GPC3: variants seen among roughly 807,000 people sequenced by gnomAD.
GPC3 encodes the protein glypican 3, also known as glypican-3.
In GPC3, 3 loss-of-function variants were observed where a neutral mutation model predicts 34.4. That is an observed-to-expected ratio of 0.09 (90% CI 0.04 to 0.23). GPC3 has a LOEUF of 0.23. Among genes scored for constraint, GPC3 ranks in the 10% least tolerant of loss-of-function variants. The pLI, the probability that GPC3 is intolerant of heterozygous loss-of-function variation, is 1.00. For synonymous variants in GPC3, 177 were observed against 174.0 expected, an observed-to-expected ratio of 1.02 and a Z score of -0.13; for missense variants, 351 against 445.6, an observed-to-expected ratio of 0.79 and a Z score of 1.91.
intron 2 of GPC3, among the ~76,000 whole-genome samples, chrX:133,889,831 C>CTTTTTTTTTTTTTTTT (rs781203121): frequency 4.0e-5 from 3 of 75,805 alleles, no homozygotes; most frequent in African/African-American, 1.4e-4. Context: ...TTCTAGCCTT[C>CTTTTTTTTTTTTTTTT]TTTTTTTTTT....
intron 5 of GPC3, among the ~76,000 whole-genome samples, chrX:133,668,104 CCT>C (rs951211571): frequency 2.8e-5 from 3 of 108,441 alleles, no homozygotes; most frequent in Admixed American, 2.0e-4. Context: ...GGGTTTTCAC[CCT>C]GTTAGCCAGA....
chrX:133,913,650 T>C (rs2124609093), intron 2 of GPC3, among the ~76,000 whole-genome samples: 1 of 111,936 alleles, frequency 8.9e-6, no homozygotes, highest in East Asian at 2.8e-4. Flanking sequence ...GAAAAACACA[T>C]TCCTCCTCAA....
intron 2 of GPC3, among the ~76,000 whole-genome samples, chrX:133,791,930 G>A (rs1430171137): frequency 1.0e-5 from 1 of 100,245 alleles, no homozygotes; most frequent in East Asian, 3.1e-4. Flanking sequence ...ACCTAGGCTG[G>A]AATGCAGTGG....
intron 6 of GPC3, among the ~76,000 whole-genome samples, chrX:133,635,805 G>C (rs189400539): frequency 9.6e-6 from 1 of 104,380 alleles, no homozygotes; most frequent in Non-Finnish European, 1.9e-5. Flanking sequence ...TATCTCACAT[G>C]GTTATGGGAA....
At position 133,754,173 on chromosome X, in the gene GPC3, G is replaced by C; in HGVS notation, c.341C>G (p.Ala114Gly). Residue 114 changes from alanine (A) to glycine (G), a missense_variant, in exon 3 of 8, where the codon GCC becomes GGC. By Grantham distance (60) the Ala-to-Gly change is moderately conservative (BLOSUM62 0). Coordinates refer to ENST00000370818, the MANE Select transcript of GPC3 (RefSeq NM_004484.4). The stretch of plus-strand genomic sequence containing the variant: ...GGCATGGCGAACAACAATTTCAAAG[G>C]CCTCTGTAAAAAAAAAAAAAAAAGA... ...IIQNAAVFQE[A>G]FEIVVRHAKN... 8.9e-7 allele frequency: 1 copy of C among 1,124,956 alleles called. No homozygotes were observed. Among genetic ancestry groups the C allele is most frequent in the Non-Finnish European group, 1.2e-6 (1 of 833,169 alleles). 92.7% of individuals were successfully genotyped at this position (1,124,956 alleles called of 1,213,427 possible). A position where few individuals can be genotyped will look rare whatever the true frequency, so the allele number is the denominator to read the frequency against.
intron 1 of GPC3, among the ~76,000 whole-genome samples, chrX:133,974,652 T>C (rs2076507838): frequency 9.0e-6 from 1 of 111,216 alleles, no homozygotes; most frequent in African/African-American, 3.3e-5. Context: ...CTGGAAAATA[T>C]CATCCACACT....
At chrX:133,546,304 G>T (rs2069386076) in intron 7 of GPC3, among the ~76,000 whole-genome samples, 1 of 109,060 alleles carries the variant, frequency 9.2e-6, no homozygotes, top group African/African-American at 3.3e-5. Flanking sequence ...TCAGCCAAAA[G>T]AATTATTTTC....
chrX:133,742,908 T>C lies in GPC3; in HGVS notation c.1032+10574A>G, dbSNP rs564439306. 5.3e-5 allele frequency among the ~76,000 whole-genome samples: 6 copies of C among 112,692 alleles called. No individual in the cohort carries two copies. In the South Asian group the frequency reaches 2.2e-3, roughly 42 times the overall value. Reference sequence around the variant, plus strand: ...GTGGAACGAAAAAGGGAAAAATTAATTCACTTTCTGAATATTCTTCAGAAT... The same window carrying C: ...GTGGAACGAAAAAGGGAAAAATTAACTCACTTTCTGAATATTCTTCAGAAT... On this transcript the variant is annotated intron_variant, in intron 3 of 7. Coordinates refer to ENST00000370818, the MANE Select transcript of GPC3 (RefSeq NM_004484.4).
intron 2 of GPC3, among the ~76,000 whole-genome samples, chrX:133,893,373 A>C (rs1341390438): frequency 8.9e-6 from 1 of 111,786 alleles, no homozygotes; most frequent in African/African-American, 3.3e-5. Context: ...TTTTCCCATT[A>C]GATTTAGCCT....
At chrX:133,693,617 T>C (rs534109302) in intron 4 of GPC3, among the ~76,000 whole-genome samples, 183 of 111,570 alleles carry the variant, frequency 1.6e-3, no homozygotes, top group South Asian at 0.014. Context: ...CAGGCCTCTA[T>C]AGGAACCAGA....
At chrX:133,621,292 T>C (rs2070229511) in intron 6 of GPC3, among the ~76,000 whole-genome samples, 1 of 111,622 alleles carries the variant, frequency 9.0e-6, no homozygotes, top group Non-Finnish European at 1.9e-5. Context: ...CGGGTTCATC[T>C]CACTGGGGCT....
chrX:133,847,621 G>A (rs753173939), intron 2 of GPC3, among the ~76,000 whole-genome samples: 32 of 112,009 alleles, frequency 2.9e-4, no homozygotes, highest in Non-Finnish European at 5.3e-4. Context: ...GCACACACAC[G>A]TATCTACAAA....
At chrX:133,971,672 G>T (rs1216134549) in intron 1 of GPC3, among the ~76,000 whole-genome samples, 3 of 111,024 alleles carry the variant, frequency 2.7e-5, no homozygotes, top group African/African-American at 9.8e-5. Flanking sequence ...TTGAGAGAGG[G>T]TGTGAGGGTA....
chrX:133,754,293 G>A (rs1158813401), intron 2 of GPC3, 117 bp from the exon 3 acceptor site: 3 of 539,425 alleles, frequency 5.6e-6, no homozygotes, highest in Admixed American at 3.4e-5. Context: ...TCCCATTTGC[G>A]TTAAATAATT....
At chrX:133,790,886 T>C (rs1280872793) in intron 2 of GPC3, among the ~76,000 whole-genome samples, 1 of 111,364 alleles carries the variant, frequency 9.0e-6, no homozygotes, top group Non-Finnish European at 1.9e-5. Context: ...ATGAAAGGAA[T>C]GGGAATTGGC....
intron 7 of GPC3, among the ~76,000 whole-genome samples, chrX:133,592,443 A>C (rs2069862438): frequency 9.1e-6 from 1 of 109,635 alleles, no homozygotes; most frequent in Admixed American, 9.7e-5. Flanking sequence ...TGGTATTGTG[A>C]AAATGATATG....
chrX:133,739,065 T>C (rs2071538413), intron 3 of GPC3, among the ~76,000 whole-genome samples: 1 of 111,435 alleles, frequency 9.0e-6, no homozygotes, highest in South Asian at 3.8e-4. Flanking sequence ...TAATTTATAA[T>C]AAGCTTTATC....
chrX:133,672,530 T>G (rs914684035), intron 5 of GPC3, among the ~76,000 whole-genome samples: 10 of 112,035 alleles, frequency 8.9e-5, no homozygotes, highest in African/African-American at 2.9e-4. Context: ...TGGTAGAGAC[T>G]TCTTATTCAA....
chrX:133,557,465 A>T (rs2069500549), intron 7 of GPC3, among the ~76,000 whole-genome samples: 1 of 111,118 alleles, frequency 9.0e-6, no homozygotes, highest in African/African-American at 3.3e-5. Context: ...TTCATTAAAA[A>T]ACAAAAACAA....
Sources: gnomAD v4.1 joint callset for allele counts (sites outside exome capture counted in the v4.1 genomes callset) on GRCh38, gnomAD v4.1.1 for gene constraint, MANE v1.5 for transcripts, NCBI Gene and HGNC (gene_info 2026-07-23, HGNC 2026-07-21) for gene names.